The following LAMA3 variants were observed in gnomAD, a reference collection of about 807,000 sequenced individuals.
The protein encoded by LAMA3 is laminin subunit alpha 3.
Under a neutral mutation model 402.0 loss-of-function variants are expected in LAMA3, and 281 were observed. The observed-to-expected ratio is 0.70, with a 90% CI of 0.63 to 0.77. The LOEUF is 0.77. Among genes scored for constraint, LAMA3 ranks in the 30% least tolerant of loss-of-function variants. The probability of loss-of-function intolerance (pLI) is 0.00; values close to 1 mark genes in which losing one functional copy is unlikely to be tolerated. For missense variants in LAMA3, 3,840 were observed against 4,215.5 expected (o/e 0.91, Z 2.47); for synonymous variants, 1,431 against 1,558.4 (o/e 0.92, Z 1.93).
At chr18:23,869,777 G>A (rs534916112) in intron 37 of LAMA3, among the ~76,000 whole-genome samples, 45 of 152,272 alleles carry the variant, frequency 3.0e-4, no homozygotes, top group Admixed American at 1.6e-3. Flanking sequence ...TAAAAAGGCA[G>A]GCTTTTGGAG....
chr18:23,927,989 C>G (rs567443372), intron 62 of LAMA3, 134 bp from the exon 63 acceptor site: 257 of 753,080 alleles, frequency 3.4e-4, no homozygotes, highest in Non-Finnish European at 5.4e-4. Flanking sequence ...TTATGGGAAT[C>G]CCATGGGAAA....
chr18:23,838,940 G>C (rs1375973903), intron 26 of LAMA3, 62 bp downstream of exon 26: 2 of 1,004,686 alleles, frequency 2.0e-6, no homozygotes, highest in East Asian at 2.4e-5. Context: ...TGAGTGTAAG[G>C]CTGAAACTTT....
intron 39 of LAMA3, among the ~76,000 whole-genome samples, chr18:23,880,893 A>G (rs1033509495): frequency 6.6e-6 from 1 of 152,180 alleles, no homozygotes; most frequent in Non-Finnish European, 1.5e-5. Flanking sequence ...AAACAAAACA[A>G]AAAGCAAAAC....
At chr18:23,757,033 A>C (rs1209699771) in intron 6 of LAMA3, among the ~76,000 whole-genome samples, 1 of 148,506 alleles carries the variant, frequency 6.7e-6, no homozygotes, top group Non-Finnish European at 1.5e-5. Flanking sequence ...AGGCCTGGGG[A>C]CTGGAGAACA....
intron 8 of LAMA3, among the ~76,000 whole-genome samples, chr18:23,764,905 CAATT>C (rs768738980): frequency 3.3e-5 from 5 of 152,174 alleles, no homozygotes; most frequent in Admixed American, 6.5e-5. Flanking sequence ...GGATTGGTCT[CAATT>C]GATTGTCTTT....
At chr18:23,746,006 A>G (rs2061646059) in intron 2 of LAMA3, among the ~76,000 whole-genome samples, 1 of 152,234 alleles carries the variant, frequency 6.6e-6, no homozygotes, top group African/African-American at 2.4e-5. Flanking sequence ...TGGATTTCCT[A>G]TGAATTCCTT....
At chr18:23,705,080 A>G (rs1343105235) in intron 1 of LAMA3, among the ~76,000 whole-genome samples, 1 of 152,142 alleles carries the variant, frequency 6.6e-6, no homozygotes, top group Non-Finnish European at 1.5e-5. Context: ...GGCTAATAAT[A>G]TAATAGCCTT....
intron 64 of LAMA3, among the ~76,000 whole-genome samples, chr18:23,930,548 G>A (rs2082132105): frequency 6.6e-6 from 1 of 152,132 alleles, no homozygotes; most frequent in African/African-American, 2.4e-5. Flanking sequence ...AGGGGTCTGA[G>A]ACCAGCCTAG....
At chr18:23,753,887 G>C in intron 6 of LAMA3, 75 bp downstream of exon 6, 6 of 977,858 alleles carry the variant, frequency 6.1e-6, no homozygotes, top group Non-Finnish European at 8.1e-6. Flanking sequence ...TTTGCATCCC[G>C]TTAAATGTTT....
intron 13 of LAMA3, among the ~76,000 whole-genome samples, chr18:23,811,061 G>A (rs1194522268): frequency 6.6e-6 from 1 of 152,142 alleles, no homozygotes; most frequent in Non-Finnish European, 1.5e-5. Flanking sequence ...ATGCACTGGA[G>A]TCTATGCAGT....
At chr18:23,848,123 G>A (rs1300070855) in intron 32 of LAMA3, among the ~76,000 whole-genome samples, 1 of 152,220 alleles carries the variant, frequency 6.6e-6, no homozygotes, top group South Asian at 2.1e-4. Context: ...GTGTGACAGA[G>A]TCTGAAATCC....
At position 23,872,199 on chromosome 18, in the gene LAMA3, G is replaced by A. The variant is rs151315967; in HGVS notation, c.4998+538G>A. 3.9e-5 allele frequency among the ~76,000 whole-genome samples: 6 copies of A among 152,050 alleles called. No individual in the cohort carries two copies. The East Asian group carries it at 9.7e-4, about 25-fold the overall frequency. On this transcript the variant is annotated intron_variant, in intron 38 of 74. Coordinates refer to ENST00000313654, the MANE Select transcript of LAMA3 (RefSeq NM_198129.4). The stretch of plus-strand genomic sequence containing the variant: ...CTGACCTTATACCTTTCTCTAATCC[G>A]GAGCCTCCCTCTACCCACTCTCAAC...
chr18:23,761,942 G>A (rs1238708299), intron 7 of LAMA3, among the ~76,000 whole-genome samples: 2 of 152,164 alleles, frequency 1.3e-5, no homozygotes, highest in African/African-American at 4.8e-5. Flanking sequence ...ATATTGCTGG[G>A]TGGGTGGCTC....
intron 8 of LAMA3, among the ~76,000 whole-genome samples, chr18:23,764,976 C>T (rs2062046286): frequency 6.6e-6 from 1 of 151,862 alleles, no homozygotes. Context: ...GGGCAAAATA[C>T]AAAAGACAAA....
At chr18:23,889,476 T>G (rs1436330440) in intron 41 of LAMA3, among the ~76,000 whole-genome samples, 1 of 151,800 alleles carries the variant, frequency 6.6e-6, no homozygotes, top group African/African-American at 2.4e-5. Context: ...ACAGAAGGAT[T>G]GCTTGAGTGC....
At chr18:23,854,374 G>C (rs1008950377) in intron 32 of LAMA3, among the ~76,000 whole-genome samples, 2 of 152,202 alleles carry the variant, frequency 1.3e-5, no homozygotes, top group African/African-American at 4.8e-5. Context: ...AGGTGCGGTG[G>C]CTCACGCCTG....
At chr18:23,726,911 C>T (rs1295710720) in intron 2 of LAMA3, among the ~76,000 whole-genome samples, 4 of 152,168 alleles carry the variant, frequency 2.6e-5, no homozygotes, top group African/African-American at 9.7e-5. Flanking sequence ...AGCTACCGTG[C>T]CCGGCCCATT....
chr18:23,798,448 A>G (rs2062808284), intron 12 of LAMA3, among the ~76,000 whole-genome samples: 1 of 152,200 alleles, frequency 6.6e-6, no homozygotes, highest in South Asian at 2.1e-4. Flanking sequence ...CCCTGTTAAC[A>G]TACTCTCCTG....
At chr18:23,890,518 A>C (rs534432263) in intron 42 of LAMA3, among the ~76,000 whole-genome samples, 1 of 152,290 alleles carries the variant, frequency 6.6e-6, no homozygotes, top group Non-Finnish European at 1.5e-5. Flanking sequence ...TCTTTATCTT[A>C]CAGCAGTACA....
Sources: gnomAD v4.1 joint callset for allele counts (sites outside exome capture counted in the v4.1 genomes callset) on GRCh38, gnomAD v4.1.1 for gene constraint, MANE v1.5 for transcripts, NCBI Gene and HGNC (gene_info 2026-07-23, HGNC 2026-07-21) for gene names.